OR3A2: variants seen among roughly 807,000 people sequenced by gnomAD.
The protein encoded by OR3A2 is olfactory receptor 3A2.
For missense variants in OR3A2, 318 were observed against 392.8 expected, an observed-to-expected ratio of 0.81 and a Z score of 1.61; for synonymous variants, 126 against 159.3, an observed-to-expected ratio of 0.79 and a Z score of 1.57.
At chr17:3,342,214 C>T (rs977518272) in intron 2 of OR3A2, among the ~76,000 whole-genome samples, 21 of 152,134 alleles carry the variant, frequency 1.4e-4, no homozygotes, top group African/African-American at 5.1e-4. Context: ...TTCAAACACC[C>T]TCCTTTAGCT....
exon 2 of OR3A2, chr17:3,277,912 T>C: frequency 6.6e-7 from 1 of 1,520,126 alleles, no homozygotes; most frequent in Non-Finnish European, 8.8e-7. Context: ...GGTTACTGTC[T>C]TCATGGGAAA....
At chr17:3,353,748 AAAGTGAAAT>A (rs1342434378) in intron 2 of OR3A2, among the ~76,000 whole-genome samples, 1 of 151,854 alleles carries the variant, frequency 6.6e-6, no homozygotes, top group Non-Finnish European at 1.5e-5. Flanking sequence ...ACAGGCGTGC[AAAGTGAAAT>A]AAGCACATCA....
chr17:3,353,723 A>G (rs537246842), intron 2 of OR3A2, among the ~76,000 whole-genome samples: 1 of 151,960 alleles, frequency 6.6e-6, no homozygotes, highest in Admixed American at 6.6e-5. Context: ...TATAGGGTAC[A>G]TGAGTTGTTT....
intron 3 of OR3A2, among the ~76,000 whole-genome samples, chr17:3,294,993 CTT>C (rs2048907920): frequency 6.6e-6 from 1 of 151,644 alleles, no homozygotes; most frequent in Admixed American, 6.6e-5. Flanking sequence ...AAGAAACAGA[CTT>C]CAGTCAACAA....
chr17:3,380,047 C>T (rs1177339827), intron 2 of OR3A2, among the ~76,000 whole-genome samples: 4 of 152,186 alleles, frequency 2.6e-5, no homozygotes, highest in Admixed American at 2.6e-4. Flanking sequence ...TAGTGGGTGG[C>T]CCCTCTCCTC....
At position 3,291,609 on chromosome 17, in the gene OR3A2, G is replaced by C. The variant is rs375262815; in HGVS notation, c.-84-12456C>G. 1.7e-4 allele frequency: 262 copies of C among 1,537,592 alleles called. 3 individuals carry two copies. The South Asian group carries it at 3.1e-3, about 18-fold the overall frequency. ...GACTTTTCCTTTAGTACAAGACACA[G>C]GGAGAAAGGGTCAATTGAGACCTCC... On this transcript the variant is annotated intron_variant, in intron 3 of 4. Coordinates refer to the OR3A2 transcript ENST00000573491.
At chr17:3,362,396 G>A (rs1597358790) in intron 2 of OR3A2, among the ~76,000 whole-genome samples, 1 of 151,618 alleles carries the variant, frequency 6.6e-6, no homozygotes, top group African/African-American at 2.4e-5. Context: ...GTTTTGAAGG[G>A]TTTTTTGTGT....
At chr17:3,298,857 C>T (rs1321608148) in intron 3 of OR3A2, among the ~76,000 whole-genome samples, 3 of 152,160 alleles carry the variant, frequency 2.0e-5, no homozygotes, top group Admixed American at 6.5e-5. Flanking sequence ...TGAGATCATC[C>T]AGTCATCTAT....
chr17:3,308,262 G>T (rs1247913692), intron 3 of OR3A2, among the ~76,000 whole-genome samples: 4 of 152,160 alleles, frequency 2.6e-5, no homozygotes, highest in African/African-American at 9.6e-5. Context: ...AAAAATCCCA[G>T]TGTGAAAATG....
chr17:3,319,620 G>C (rs1197587702), intron 3 of OR3A2, among the ~76,000 whole-genome samples: 2 of 152,102 alleles, frequency 1.3e-5, no homozygotes, highest in Non-Finnish European at 1.5e-5. Flanking sequence ...GTGAGAACAT[G>C]AGGTGTTCGG....
Position 3,355,479 on chromosome 17 carries a change from T to G in OR3A2, c.-178-19353A>C, listed in dbSNP as rs552864393. On this transcript the variant is annotated intron_variant, in intron 2 of 4. Coordinates refer to the OR3A2 transcript ENST00000573491. ...CTCTCTCTTTAGCTCTAATAATGTT[T>G]GCTTTATATATCTGGGTACTACAGT... 2.0e-5 allele frequency among the ~76,000 whole-genome samples: 3 copies of G among 149,018 alleles called. No individual in the cohort carries two copies. The South Asian group carries it at 6.3e-4, about 31-fold the overall frequency.
intron 3 of OR3A2, among the ~76,000 whole-genome samples, chr17:3,325,406 C>T (rs2049163426): frequency 6.6e-6 from 1 of 151,894 alleles, no homozygotes; most frequent in South Asian, 2.1e-4. Flanking sequence ...GATGCGGTTT[C>T]ACCAGGTTGG....
chr17:3,361,023 C>G (rs1474989400), intron 2 of OR3A2, among the ~76,000 whole-genome samples: 1 of 151,430 alleles, frequency 6.6e-6, no homozygotes, highest in Non-Finnish European at 1.5e-5. Flanking sequence ...TGGCCATTTT[C>G]ACGATATTGA....
intron 3 of OR3A2, among the ~76,000 whole-genome samples, chr17:3,306,263 T>C (rs964869010): frequency 4.6e-5 from 7 of 152,012 alleles, no homozygotes; most frequent in East Asian, 1.9e-4. Context: ...GCAATCCTCC[T>C]ACCTTAGCCT....
chr17:3,384,005 GAATAAATATTGTATA>G lies in OR3A2; in HGVS notation c.-274-121_-274-107del, dbSNP rs1194054337. On this transcript the variant is annotated intron_variant, in intron 1 of 4. Transcript: ENST00000573491. ...ATAAATATTGTATACAATATTTATTGAATAAATATTGTATACAAATATTTATTGAATAAATATTAT... is the reference window on the plus strand; with the variant it reads ...ATAAATATTGTATACAATATTTATTGCAAATATTTATTGAATAAATATTAT... 1.7e-3 allele frequency: 146 copies of G among 84,018 alleles called. 1 individual carries two copies. The highest frequency in any genetic ancestry group is 5.7e-3 in the African/African-American group (132 of 23,010). 5.2% of individuals were successfully genotyped at this position (84,018 alleles called of 1,614,324 possible).
At chr17:3,319,487 T>C (rs971028910) in intron 3 of OR3A2, among the ~76,000 whole-genome samples, 3 of 152,156 alleles carry the variant, frequency 2.0e-5, no homozygotes, top group South Asian at 2.1e-4. Context: ...TAACTCGTCA[T>C]TTAGCATTAG....
intron 2 of OR3A2, among the ~76,000 whole-genome samples, chr17:3,341,115 C>T (rs1031797135): frequency 6.6e-6 from 1 of 152,136 alleles, no homozygotes; most frequent in Non-Finnish European, 1.5e-5. Context: ...TTTCCATTTG[C>T]TTGGTAGATC....
At chr17:3,325,545 T>C (rs1480321276) in intron 3 of OR3A2, among the ~76,000 whole-genome samples, 1 of 152,028 alleles carries the variant, frequency 6.6e-6, no homozygotes, top group Non-Finnish European at 1.5e-5. Flanking sequence ...TTTTATCAAA[T>C]TTTAAATGTA....
At chr17:3,361,568 T>C (rs2049516775) in intron 2 of OR3A2, among the ~76,000 whole-genome samples, 1 of 151,708 alleles carries the variant, frequency 6.6e-6, no homozygotes, top group Admixed American at 6.6e-5. Flanking sequence ...TAGATAGCTC[T>C]TATTATTTTG....
Sources: gnomAD v4.1 joint callset for allele counts (sites outside exome capture counted in the v4.1 genomes callset) on GRCh38, gnomAD v4.1.1 for gene constraint, MANE v1.5 for transcripts, NCBI Gene and HGNC (gene_info 2026-07-23, HGNC 2026-07-21) for gene names.